Variants in SF3A2 observed in about 807,000 individuals in gnomAD.
SF3A2 encodes the protein splicing factor 3a subunit 2.
Under a neutral mutation model 31.1 loss-of-function variants are expected in SF3A2, and 5 were observed. The ratio of observed to expected loss-of-function variants is 0.16; its 90% confidence interval spans 0.08 to 0.34. The LOEUF is 0.34. Among genes scored for constraint, SF3A2 ranks in the 10% least tolerant of loss-of-function variants. SF3A2 has a pLI of 1.00. For missense variants in SF3A2, 577 were observed against 643.9 expected (o/e 0.90, Z 1.13); for synonymous variants, 365 against 263.7 (o/e 1.38, Z -3.72).
Position 2,247,670 on chromosome 19 carries a change from G to A in SF3A2, c.615+8G>A, listed in dbSNP as rs372053980. Reference sequence around the variant, plus strand: ...AACCGGGAGACCAAGCAGGTGAGTGGCTCGCCCCGAGCCTGGCTCCTTCCC... The same window carrying A: ...AACCGGGAGACCAAGCAGGTGAGTGACTCGCCCCGAGCCTGGCTCCTTCCC... On this transcript the variant is annotated splice_region_variant and intron_variant, in intron 8 of 8. Coordinates refer to ENST00000221494, the MANE Select transcript of SF3A2 (RefSeq NM_007165.5). 1.6e-4 allele frequency: 250 copies of A among 1,612,720 alleles called. No individual in the cohort carries two copies. The highest frequency in any genetic ancestry group is 2.0e-4 in the Non-Finnish European group (235 of 1,179,678).
Position 2,246,007 on chromosome 19 carries a change from G to A in SF3A2, c.355+452G>A, listed in dbSNP as rs2024928857. Among the ~76,000 whole-genome samples, 3 of 152,226 alleles carry A rather than the reference G, an allele frequency of 2.0e-5. No homozygotes were observed. Among genetic ancestry groups the A allele is most frequent in the Admixed American group, 1.3e-4 (2 of 15,280 alleles). The stretch of plus-strand genomic sequence containing the variant: ...CCCCGGTTCAGAAAGCTGGGGAAGT[G>A]ACCAGGGTGGAAGATAGAGACTTGT... On this transcript the variant is annotated intron_variant, in intron 5 of 8. Coordinates refer to ENST00000221494, the MANE Select transcript of SF3A2 (RefSeq NM_007165.5). This position sits in a 1 kb window ranked among gnomAD's most constrained non-coding sequence, Gnocchi z 5.5.
chr19:2,244,893 C>T, intron 4 of SF3A2, 114 bp downstream of exon 4: 1 of 972,700 alleles, frequency 1.0e-6, no homozygotes, highest in South Asian at 1.4e-5. Context: ...GCCTGAGCCT[C>T]CCTGGGCGCT....
chr19:2,243,636 G>T, intron 2 of SF3A2, 92 bp downstream of exon 2: 1 of 1,382,042 alleles, frequency 7.2e-7, no homozygotes, highest in Admixed American at 3.7e-5. Flanking sequence ...TTGGGCCTCC[G>T]CCCAGGCTGG....
chr19:2,244,372 C>T (rs964711702), intron 2 of SF3A2, among the ~76,000 whole-genome samples, 172 bp from the exon 3 acceptor site: 1 of 152,216 alleles, frequency 6.6e-6, no homozygotes, highest in Non-Finnish European at 1.5e-5. Context: ...GAAGGCCTCC[C>T]GCTGGATCCC....
At chr19:2,247,227 A>G (rs2024945772) in intron 7 of SF3A2, 2 of 523,424 alleles carry the variant, frequency 3.8e-6, no homozygotes, top group African/African-American at 1.9e-5. Flanking sequence ...CACTGGGCCA[A>G]TGAGAAGGGA....
chr19:2,242,015 C>T (rs2024893846), intron 1 of SF3A2, among the ~76,000 whole-genome samples: 2 of 152,160 alleles, frequency 1.3e-5, no homozygotes, highest in African/African-American at 4.8e-5. Flanking sequence ...TCCTGGGCCC[C>T]CATAGAGTAA....
At chr19:2,240,247 T>G (rs1227972544) in intron 1 of SF3A2, among the ~76,000 whole-genome samples, 2 of 152,216 alleles carry the variant, frequency 1.3e-5, no homozygotes, top group African/African-American at 4.8e-5. Context: ...ACCGCCAGAC[T>G]TCCCGCTGCC....
rs1351540259 is a variant in SF3A2, at chr19:2,246,737, G to A, written c.356-16G>A. 1 of 1,613,880 alleles carries A rather than the reference G, an allele frequency of 6.2e-7. No homozygotes were observed. The highest frequency in any genetic ancestry group is 1.3e-5 in the African/African-American group (1 of 75,022). On this transcript the variant is annotated splice_polypyrimidine_tract_variant and intron_variant, in intron 5 of 8. Transcript: ENST00000221494. The surrounding 1 kb of genome is among the most constrained non-coding windows in gnomAD (Gnocchi z 5.5). ...GAGGACAAGCAGCCGGGACCTGAGA[G>A]CTTTCTGTGTTGCAGTGACCAAGCA...
At position 2,246,603 on chromosome 19, in the gene SF3A2, A is replaced by T. The variant is rs1309100891; in HGVS notation, c.356-150A>T. 5.9e-6 allele frequency: 5 copies of T among 849,982 alleles called. No homozygotes were observed. Among genetic ancestry groups the T allele is most frequent in the Non-Finnish European group, 9.1e-6 (5 of 550,596 alleles). The allele number at this position is 849,982 out of a possible 1,614,324, so 52.7% of individuals were successfully genotyped here. On this transcript the variant is annotated intron_variant, in intron 5 of 8. Coordinates refer to ENST00000221494, the MANE Select transcript of SF3A2 (RefSeq NM_007165.5). The surrounding 1 kb of genome is among the most constrained non-coding windows in gnomAD (Gnocchi z 5.5). Reference sequence around the variant, plus strand: ...GCCTTCACCTATACCAGAATCCCAGAGCCTGGGCGGAGATTGTCTAATGGT... The same window carrying T: ...GCCTTCACCTATACCAGAATCCCAGTGCCTGGGCGGAGATTGTCTAATGGT...
intron 1 of SF3A2, among the ~76,000 whole-genome samples, chr19:2,238,837 C>A (rs2024864078): frequency 1.3e-5 from 2 of 152,168 alleles, no homozygotes; most frequent in Admixed American, 6.5e-5. Flanking sequence ...TGTGCTCTGA[C>A]CTGGAAGTGG....
chr19:2,245,650 C>T lies in SF3A2; in HGVS notation c.355+95C>T. 1.1e-6 allele frequency: 1 copy of T among 876,476 alleles called. No individual in the cohort carries two copies. The highest frequency in any genetic ancestry group is 2.7e-5 in the East Asian group (1 of 37,434). The allele number at this position is 876,476 out of a possible 1,614,324, so 54.3% of individuals were successfully genotyped here. A position where few individuals can be genotyped will look rare whatever the true frequency, so the allele number is the denominator to read the frequency against. On this transcript the variant is annotated intron_variant, in intron 5 of 8. Transcript: ENST00000221494. The surrounding 1 kb of genome is among the most constrained non-coding windows in gnomAD (Gnocchi z 4.2). ...GCGGGAGGTGCAGCCCTGATAGCCTCCTCCCTGAGCCACTGTTTTCCGGCC... is the reference window on the plus strand; with the variant it reads ...GCGGGAGGTGCAGCCCTGATAGCCTTCTCCCTGAGCCACTGTTTTCCGGCC...
intron 2 of SF3A2, among the ~76,000 whole-genome samples, 169 bp downstream of exon 2, chr19:2,243,713 C>G (rs2024909207): frequency 6.6e-6 from 1 of 152,248 alleles, no homozygotes; most frequent in South Asian, 2.1e-4. Flanking sequence ...CATCTGTCCA[C>G]CCCAGAGAGC....
Position 2,248,103 on chromosome 19 carries a change from C to A in SF3A2, c.952C>A (p.Pro318Thr). ...VHPPAPGVHPPAPGVHPPTSG... is the reference protein window; with the variant it reads ...VHPPAPGVHPTAPGVHPPTSG... ...CCCCCCAGCTCCTGGCGTCCATCCC[C>A]CAGCCCCTGGGGTCCACCCACCAAC... is the stretch of plus-strand genomic sequence containing the variant. Residue 318 changes from proline to threonine, a missense_variant, in exon 9 of 9, where the codon CCA (proline) becomes ACA (threonine). By Grantham distance (38) the Pro-to-Thr change is conservative. Transcript: ENST00000221494. The A allele has an allele frequency of 8.9e-7, 1 of 1,128,556 alleles. No homozygotes were observed. The allele number at this position is 1,128,556 out of a possible 1,614,324, so 69.9% of individuals were successfully genotyped here.
rs200809541 is a variant in SF3A2 at position 2,247,757 on chromosome 19, G to C, written c.616-10G>C. The C allele has an allele frequency of 6.2e-7, 1 of 1,611,672 alleles. No homozygotes were observed. The highest frequency in any genetic ancestry group is 1.3e-5 in the African/African-American group (1 of 74,848). On this transcript the variant is annotated splice_polypyrimidine_tract_variant and intron_variant, in intron 8 of 8. Coordinates refer to ENST00000221494, the MANE Select transcript of SF3A2 (RefSeq NM_007165.5). ...ACCCGTGCCTGCTGAACCTTTCTCC[G>C]TCTCTCTAGTTCTTCCTCCAGTTCC...
intron 1 of SF3A2, 79 bp downstream of exon 1, chr19:2,236,980 G>A (rs1441651798): frequency 6.6e-6 from 1 of 152,096 alleles, no homozygotes; most frequent in East Asian, 1.9e-4. Context: ...TAGGAGAGAG[G>A]CGCTTGCGAC....
At position 2,246,376 on chromosome 19, in the gene SF3A2, A is replaced by G. The variant is rs1158675379; in HGVS notation, c.356-377A>G. On this transcript the variant is annotated intron_variant, in intron 5 of 8. Transcript: ENST00000221494. This position sits in a 1 kb window ranked among gnomAD's most constrained non-coding sequence, Gnocchi z 5.5. ...GCATCCTCTCTCGCTCACCGTATAC[A>G]TGGTGTCAGCCCTGTTCAGGCGGCC... is the stretch of plus-strand genomic sequence containing the variant. 6.6e-6 allele frequency among the ~76,000 whole-genome samples: 1 copy of G among 152,106 alleles called. No homozygotes were observed. The highest frequency in any genetic ancestry group is 1.5e-5 in the Non-Finnish European group (1 of 67,992).
chr19:2,241,077 C>T (rs2024884661), intron 1 of SF3A2, among the ~76,000 whole-genome samples: 1 of 152,186 alleles, frequency 6.6e-6, no homozygotes, highest in South Asian at 2.1e-4. Context: ...AGAGCTTAGC[C>T]TCAGAGTAGG....
In SF3A2 at chr19:2,245,584, C is replaced by T. The variant is rs1398659265; in HGVS notation, c.355+29C>T. The T allele has an allele frequency of 6.9e-7, 1 of 1,454,336 alleles. No homozygotes were observed. The highest frequency in any genetic ancestry group is 9.4e-7 in the Non-Finnish European group (1 of 1,059,094). 90.1% of individuals were successfully genotyped at this position (1,454,336 alleles called of 1,614,324 possible). ...AGTCTGCCCGCAGCGGGGCCGGCCA[C>T]AGCCGCTGCCGTGACATAAGTGTGT... On this transcript the variant is annotated intron_variant, in intron 5 of 8. Coordinates refer to ENST00000221494, the MANE Select transcript of SF3A2 (RefSeq NM_007165.5). This position sits in a 1 kb window ranked among gnomAD's most constrained non-coding sequence, Gnocchi z 4.2.
At position 2,248,153 on chromosome 19, in the gene SF3A2, T is replaced by TGGAGTCCATCCTCCAGCCCCC. The variant is rs1568390888; in HGVS notation, c.1010_1011insTCCTCCAGCCCCCGGAGTCCA (p.Ala361_Pro367dup). On this transcript the variant is annotated inframe_insertion, in exon 9 of 9. Transcript: ENST00000221494. Reference sequence around the variant, plus strand: ...CCTCTGGGGTCCACCCCCCAGCTCCTGGAGTCCACCCTCCAGCCCCCGGGG... The same window carrying TGGAGTCCATCCTCCAGCCCCC: ...CCTCTGGGGTCCACCCCCCAGCTCCTGGAGTCCATCCTCCAGCCCCCGGAGTCCACCCTCCAGCCCCCGGGG... 4.5e-6 allele frequency: 6 copies of TGGAGTCCATCCTCCAGCCCCC among 1,335,828 alleles called. No homozygotes were observed. Among genetic ancestry groups the TGGAGTCCATCCTCCAGCCCCC allele is most frequent in the Non-Finnish European group, 6.1e-6 (6 of 980,320 alleles). 82.7% of individuals were successfully genotyped at this position (1,335,828 alleles called of 1,614,324 possible).
Sources: gnomAD v4.1 joint callset for allele counts (sites outside exome capture counted in the v4.1 genomes callset) on GRCh38, gnomAD v4.1.1 for gene constraint, Gnocchi (gnomAD v3.1) non-coding constraint, MANE v1.5 for transcripts, NCBI Gene and HGNC (gene_info 2026-07-23, HGNC 2026-07-21) for gene names.